The following FGF20 variants were observed in gnomAD, a reference collection of about 807,000 sequenced individuals.
FGF20 encodes the protein fibroblast growth factor 20.
A neutral mutation model predicts 16.7 loss-of-function variants in FGF20; 8 were observed. That is an observed-to-expected ratio of 0.48 (90% CI 0.28 to 0.87). FGF20 has a LOEUF of 0.87. Among genes scored for constraint, FGF20 ranks in the 40% least tolerant of loss-of-function variants. The pLI is 0.10. For missense variants in FGF20, 397 were observed against 281.4 expected, an observed-to-expected ratio of 1.41 and a Z score of -2.94; for synonymous variants, 161 against 118.6, an observed-to-expected ratio of 1.36 and a Z score of -2.32.
chr8:16,997,727 A>T (rs1054683060), intron 1 of FGF20, among the ~76,000 whole-genome samples: 1 of 152,228 alleles, frequency 6.6e-6, no homozygotes, highest in African/African-American at 2.4e-5. Flanking sequence ...GACAGCCATC[A>T]TAATGACAAA....
rs1050596798 is a variant in FGF20 at position 16,992,436 on chromosome 8, T to G, written c.*636A>C. 4 of 151,852 alleles carry G rather than the reference T, an allele frequency of 2.6e-5. No individual in the cohort carries two copies. The highest frequency in any genetic ancestry group is 9.7e-5 in the African/African-American group (4 of 41,392). The allele number at this position is 151,852 out of a possible 1,614,324, so 9.4% of individuals were successfully genotyped here. A position where few individuals can be genotyped will look rare whatever the true frequency, so the allele number is the denominator to read the frequency against. ...TAACGGAAGTTTTGTTGTTTTTTAC[T>G]CTTTGTATTATCTTCATATCCCAGT... is the stretch of plus-strand genomic sequence containing the variant. On this transcript the variant is annotated 3_prime_UTR_variant, in exon 3 of 3. Transcript: ENST00000180166.
At position 16,993,222 on chromosome 8, in the gene FGF20, G is replaced by A. The variant is rs1350578441; in HGVS notation, c.486C>T (p.Gly162=). ...TGTTAAGTGCCACAAAATACCTGCG[G>A]CCAGTGTCTCCATGTTTATATATGT... ...SSNIYKHGDT[G]RRYFVALNKD... is the part of the protein sequence containing the mutation. The change falls in exon 3 of 3, where the codon GGC becomes GGT. Residue 162 remains glycine, a synonymous_variant. Transcript: ENST00000180166. 1 of 1,614,054 alleles carries A rather than the reference G, an allele frequency of 6.2e-7. No individual in the cohort carries two copies. The highest frequency in any genetic ancestry group is 8.5e-7 in the Non-Finnish European group (1 of 1,179,990).
intron 2 of FGF20, 145 bp from the exon 3 acceptor site, chr8:16,993,462 C>G: frequency 1.2e-6 from 1 of 806,660 alleles, no homozygotes; most frequent in Non-Finnish European, 1.9e-6. Context: ...TGTTTTAGTT[C>G]ATATGTCATC....
intron 1 of FGF20, among the ~76,000 whole-genome samples, chr8:16,997,124 T>C (rs767024122): frequency 6.6e-6 from 1 of 152,202 alleles, no homozygotes; most frequent in Non-Finnish European, 1.5e-5. Flanking sequence ...GATCAAAAAC[T>C]CTTCCCTAAA....
chr8:17,001,627 G>A (rs1202401344), intron 1 of FGF20, 120 bp downstream of exon 1: 26 of 1,194,508 alleles, frequency 2.2e-5, no homozygotes, highest in Non-Finnish European at 2.8e-5. Context: ...GGGTCCAGGG[G>A]AGCTCCGGGC....
chr8:16,997,564 A>G (rs1585102573), intron 1 of FGF20, among the ~76,000 whole-genome samples: 1 of 152,208 alleles, frequency 6.6e-6, no homozygotes, highest in East Asian at 1.9e-4. Flanking sequence ...GAGCTCTTTC[A>G]AACTATTAGG....
intron 1 of FGF20, 65 bp downstream of exon 1, chr8:17,001,682 A>AG: frequency 6.8e-7 from 1 of 1,470,860 alleles, no homozygotes; most frequent in South Asian, 1.3e-5. Context: ...GGGAGGTGCA[A>AG]GGGGAGGGAA....
intron 1 of FGF20, 119 bp downstream of exon 1, chr8:17,001,628 A>C: frequency 8.4e-7 from 1 of 1,191,146 alleles, no homozygotes; most frequent in East Asian, 3.2e-5. Context: ...GGTCCAGGGG[A>C]GCTCCGGGCT....
chr8:17,001,197 C>G (rs1403302831), intron 1 of FGF20, among the ~76,000 whole-genome samples: 1 of 152,080 alleles, frequency 6.6e-6, no homozygotes, highest in African/African-American at 2.4e-5. Flanking sequence ...TAGGTAGACA[C>G]GTAAATGCTC....
chr8:16,993,369 T>G lies in FGF20; in HGVS notation c.391-52A>C, dbSNP rs6991982. The G allele has an allele frequency of 0.042, 63,180 of 1,501,800 alleles. 2,712 individuals carry two copies. The highest frequency in any genetic ancestry group is 0.22 in the African/African-American group (15,702 of 71,204). 93.0% of individuals were successfully genotyped at this position (1,501,800 alleles called of 1,614,324 possible). ...TTTTAAAAAAATACCTTTGAGATAATTTCCTTACAAGTTTCAACTCTATAT... is the reference window on the plus strand; with the variant it reads ...TTTTAAAAAAATACCTTTGAGATAAGTTCCTTACAAGTTTCAACTCTATAT... On this transcript the variant is annotated intron_variant, in intron 2 of 2. Coordinates refer to ENST00000180166, the MANE Select transcript of FGF20 (RefSeq NM_019851.3).
chr8:16,999,688 A>ATTTTT (rs59591258), intron 1 of FGF20, among the ~76,000 whole-genome samples: 1 of 132,828 alleles, frequency 7.5e-6, no homozygotes, highest in African/African-American at 2.9e-5. Context: ...CGCCCAGCTA[A>ATTTTT]TTTTTTTTTT....
rs1266708845 is a variant in FGF20 at position 17,001,796 on chromosome 8, G to A, written c.237C>T (p.Ile79=). The change falls in exon 1 of 3, where the codon ATC becomes ATT. Residue 79 remains isoleucine (I), a synonymous_variant. Coordinates refer to ENST00000180166, the MANE Select transcript of FGF20 (RefSeq NM_019851.3). ...LYCRTGFHLQ[I]LPDGSVQGTR... ...TGCCCTGCACGCTGCCGTCGGGCAG[G>A]ATCTGCAGGTGGAAGCCGGTGCGGC... The A allele has an allele frequency of 6.4e-7, 1 of 1,568,536 alleles. No individual in the cohort carries two copies. Among genetic ancestry groups the A allele is most frequent in the Non-Finnish European group, 8.6e-7 (1 of 1,161,616 alleles).
chr8:17,002,057 A>C lies in FGF20; in HGVS notation c.-25T>G. On this transcript the variant is annotated 5_prime_UTR_variant, in exon 1 of 3. Transcript: ENST00000180166. ...TGGAGGGGGAGATCCGGAACACAAA[A>C]GACCCCCCCAGTAAAGAGTGTTGTG... The C allele has an allele frequency of 2.6e-6, 4 of 1,515,786 alleles. No individual in the cohort carries two copies. Among genetic ancestry groups the C allele is most frequent in the South Asian group, 1.3e-5 (1 of 79,928 alleles). The allele number at this position is 1,515,786 out of a possible 1,614,324, so 93.9% of individuals were successfully genotyped here.
chr8:17,002,059 A>C lies in FGF20; in HGVS notation c.-27T>G, dbSNP rs1440733121. On this transcript the variant is annotated 5_prime_UTR_variant, in exon 1 of 3. Coordinates refer to ENST00000180166, the MANE Select transcript of FGF20 (RefSeq NM_019851.3). ...GAGGGGGAGATCCGGAACACAAAAG[A>C]CCCCCCCAGTAAAGAGTGTTGTGGG... is the stretch of plus-strand genomic sequence containing the variant. The C allele has an allele frequency of 6.6e-7, 1 of 1,512,696 alleles. No individual in the cohort carries two copies. The highest frequency in any genetic ancestry group is 1.4e-5 in the African/African-American group (1 of 69,216). The allele number at this position is 1,512,696 out of a possible 1,614,324, so 93.7% of individuals were successfully genotyped here.
chr8:17,001,880 C>T lies in FGF20; in HGVS notation c.153G>A (p.Gly51=). The change falls in exon 1 of 3, where the codon GGG becomes GGA. Residue 51 remains glycine, a synonymous_variant. Coordinates refer to ENST00000180166, the MANE Select transcript of FGF20 (RefSeq NM_019851.3). ...GGTGCGCCAGCTGCGCAGCCCCCGG[C>T]CCGCCGCGCGCGCTCCGCTCCGCCG... The part of the protein sequence containing the change: ...RSAAERSARG[G]PGAAQLAHLH... The T allele has an allele frequency of 1.4e-6, 2 of 1,436,258 alleles. No homozygotes were observed. Among genetic ancestry groups the T allele is most frequent in the Non-Finnish European group, 9.1e-7 (1 of 1,099,968 alleles). The allele number at this position is 1,436,258 out of a possible 1,614,324, so 89.0% of individuals were successfully genotyped here.
At chr8:17,001,053 C>G (rs373790710) in intron 1 of FGF20, among the ~76,000 whole-genome samples, 234 of 151,150 alleles carry the variant, frequency 1.5e-3, no homozygotes, top group African/African-American at 2.5e-3. Context: ...ACCCCTCCCC[C>G]CCTTTCCTTT....
At chr8:16,994,046 C>T (rs1202943778) in intron 2 of FGF20, among the ~76,000 whole-genome samples, 1 of 152,086 alleles carries the variant, frequency 6.6e-6, no homozygotes, top group Non-Finnish European at 1.5e-5. Flanking sequence ...GGTTGGGGAC[C>T]CCTGCTTTAA....
At chr8:17,001,359 A>T (rs17514929) in intron 1 of FGF20, among the ~76,000 whole-genome samples, 69 of 151,914 alleles carry the variant, frequency 4.5e-4, no homozygotes, top group African/African-American at 1.5e-3. Flanking sequence ...ACATACAGGG[A>T]TTTTTTTTAA....
chr8:16,999,395 G>A (rs967846491), intron 1 of FGF20, among the ~76,000 whole-genome samples: 2 of 151,494 alleles, frequency 1.3e-5, no homozygotes, highest in Non-Finnish European at 2.9e-5. Flanking sequence ...ATTAATGAAT[G>A]TTATCAAGTC....
Sources: allele counts gnomAD v4.1 joint callset (sites outside exome capture counted in the v4.1 genomes callset), GRCh38; gene constraint gnomAD v4.1.1; transcripts MANE v1.5; gene names NCBI Gene and HGNC (gene_info 2026-07-23, HGNC 2026-07-21).